The following MARCHF1 variants were observed in gnomAD, a reference collection of about 807,000 sequenced individuals.
MARCHF1 encodes the protein membrane associated ring-CH-type finger 1, also known as E3 ubiquitin-protein ligase MARCHF1.
A neutral mutation model predicts 54.2 loss-of-function variants in MARCHF1; 40 were observed. The observed-to-expected ratio is 0.74, with a 90% CI of 0.57 to 0.96. The LOEUF (loss-of-function observed/expected upper bound fraction) is 0.96, where lower values mean the gene tolerates loss of function less well. Ranked by LOEUF, MARCHF1 falls within the 40% of genes least tolerant of loss-of-function variation. The probability of loss-of-function intolerance (pLI) is 0.00; values close to 1 mark genes in which losing one functional copy is unlikely to be tolerated. For synonymous variants in MARCHF1, 236 were observed against 236.3 expected, an observed-to-expected ratio of 1.00 and a Z score of 0.01; for missense variants, 586 against 656.5, an observed-to-expected ratio of 0.89 and a Z score of 1.17.
At chr4:164,371,110 C>A (rs911689926) in intron 1 of MARCHF1, among the ~76,000 whole-genome samples, 1 of 151,858 alleles carries the variant, frequency 6.6e-6, no homozygotes, top group Non-Finnish European at 1.5e-5. Flanking sequence ...TAATAGAGAA[C>A]CAAGAACAGA....
At chr4:163,875,047 T>A (rs1750260262) in intron 3 of MARCHF1, among the ~76,000 whole-genome samples, 1 of 152,192 alleles carries the variant, frequency 6.6e-6, no homozygotes, top group South Asian at 2.1e-4. Flanking sequence ...AAATTTTGAC[T>A]TCATGTTTAT....
At chr4:164,188,314 G>A (rs144284649) in intron 1 of MARCHF1, 3,691 of 353,278 alleles carry the variant, frequency 0.01, 32 homozygotes, top group Non-Finnish European at 0.014. Context: ...ACCGCGCTGC[G>A]CTCCTGTGCT....
chr4:164,067,785 T>A (rs1278709443), intron 2 of MARCHF1, among the ~76,000 whole-genome samples: 1 of 151,914 alleles, frequency 6.6e-6, no homozygotes, highest in Non-Finnish European at 1.5e-5. Flanking sequence ...CAATAGACAG[T>A]CTTCAAAATG....
intron 7 of MARCHF1, among the ~76,000 whole-genome samples, chr4:163,598,360 C>A (rs1400363219): frequency 6.6e-6 from 1 of 152,160 alleles, no homozygotes; most frequent in Non-Finnish European, 1.5e-5. Context: ...CAAAATTTTT[C>A]ATTATGAAGT....
At chr4:164,030,794 A>G (rs765572195) in intron 2 of MARCHF1, among the ~76,000 whole-genome samples, 10 of 152,132 alleles carry the variant, frequency 6.6e-5, no homozygotes, top group Non-Finnish European at 1.3e-4. Flanking sequence ...ATGAATCAGT[A>G]TATTTTGGGG....
intron 2 of MARCHF1, among the ~76,000 whole-genome samples, chr4:164,006,560 C>T (rs1753292288): frequency 6.6e-6 from 1 of 151,896 alleles, no homozygotes; most frequent in South Asian, 2.1e-4. Flanking sequence ...AAAGTTTATT[C>T]GAAGAAATCA....
At chr4:163,538,921 CCAATAGGA>C (rs1329153844) in intron 9 of MARCHF1, among the ~76,000 whole-genome samples, 1 of 152,064 alleles carries the variant, frequency 6.6e-6, no homozygotes, top group East Asian at 1.9e-4. Flanking sequence ...CCTGCTTTGG[CCAATAGGA>C]CAATAGGAAA....
chr4:163,933,180 T>C, intron 3 of MARCHF1: 21 of 770,284 alleles, frequency 2.7e-5, no homozygotes, highest in South Asian at 2.7e-4. Context: ...TGGAGTTTCT[T>C]AGAGACAACC....
intron 3 of MARCHF1, among the ~76,000 whole-genome samples, chr4:163,914,043 C>G (rs1180636930): frequency 6.6e-6 from 1 of 151,666 alleles, no homozygotes. Flanking sequence ...TCTTTTCTGA[C>G]AGTTATTATT....
chr4:164,252,389 C>G (rs1275143289), intron 1 of MARCHF1, among the ~76,000 whole-genome samples: 1 of 152,090 alleles, frequency 6.6e-6, no homozygotes, highest in East Asian at 1.9e-4. Flanking sequence ...ATCACTTGAG[C>G]TAATCCCAAG....
intron 5 of MARCHF1, among the ~76,000 whole-genome samples, chr4:163,679,405 G>A (rs1172783342): frequency 2.6e-5 from 4 of 152,052 alleles, no homozygotes; most frequent in African/African-American, 7.3e-5. Context: ...ATGGCAGCAC[G>A]TGGCCCCACA....
intron 1 of MARCHF1, among the ~76,000 whole-genome samples, chr4:164,184,283 T>C (rs1730909193): frequency 6.6e-6 from 1 of 152,182 alleles, no homozygotes; most frequent in Non-Finnish European, 1.5e-5. Context: ...AGGTACAAAT[T>C]TGCAAGATTT....
chr4:164,166,719 C>T (rs1235012116), intron 1 of MARCHF1, among the ~76,000 whole-genome samples: 1 of 151,822 alleles, frequency 6.6e-6, no homozygotes, highest in East Asian at 1.9e-4. Flanking sequence ...TTTCTATTTA[C>T]AGATGACATG....
chr4:163,954,499 A>G (rs1227449731), intron 3 of MARCHF1, among the ~76,000 whole-genome samples: 1 of 152,296 alleles, frequency 6.6e-6, no homozygotes, highest in South Asian at 2.1e-4. Context: ...AATAAAATGC[A>G]TATTTTAAAA....
intron 4 of MARCHF1, among the ~76,000 whole-genome samples, chr4:163,711,310 T>A (rs1027956571): frequency 6.6e-6 from 1 of 152,190 alleles, no homozygotes; most frequent in African/African-American, 2.4e-5. Flanking sequence ...AAGATCTTTA[T>A]TTTTTTCTGT....
At chr4:163,957,572 A>G (rs1166777176) in intron 3 of MARCHF1, among the ~76,000 whole-genome samples, 17 of 152,068 alleles carry the variant, frequency 1.1e-4, no homozygotes, top group Non-Finnish European at 1.5e-5. Flanking sequence ...GTGAGCAGCT[A>G]CTTTAATAGG....
At chr4:164,352,440 G>C (rs1180729940) in intron 1 of MARCHF1, among the ~76,000 whole-genome samples, 4 of 143,958 alleles carry the variant, frequency 2.8e-5, no homozygotes, top group Non-Finnish European at 4.6e-5. Flanking sequence ...AGCCAGAAGA[G>C]AGTGGGGGCC....
intron 1 of MARCHF1, among the ~76,000 whole-genome samples, chr4:164,183,482 T>C (rs2111021515): frequency 6.6e-6 from 1 of 152,320 alleles, no homozygotes; most frequent in Non-Finnish European, 1.5e-5. Context: ...AAGCTTCTAA[T>C]TTTTATGTGG....
intron 4 of MARCHF1, among the ~76,000 whole-genome samples, chr4:163,780,050 C>T (rs896765282): frequency 2.6e-5 from 4 of 152,108 alleles, no homozygotes; most frequent in African/African-American, 7.2e-5. Flanking sequence ...TTGGACCACA[C>T]GGATTTGTTT....
Sources: allele counts gnomAD v4.1 joint callset (sites outside exome capture counted in the v4.1 genomes callset), GRCh38; gene constraint gnomAD v4.1.1; transcripts MANE v1.5; gene names NCBI Gene and HGNC (gene_info 2026-07-23, HGNC 2026-07-21).